Variants in CLIP2 observed in about 807,000 individuals in gnomAD.
The protein encoded by CLIP2 is CAP-Gly domain containing linker protein 2, also known as CAP-Gly domain-containing linker protein 2.
A neutral mutation model predicts 111.7 loss-of-function variants in CLIP2; 41 were observed. The ratio of observed to expected loss-of-function variants is 0.37; its 90% CI spans 0.29 to 0.48. The LOEUF (loss-of-function observed/expected upper bound fraction) is 0.48. Ranked by LOEUF, CLIP2 falls within the 20% of genes least tolerant of loss-of-function variation. CLIP2 has a pLI of 0.99. For missense variants in CLIP2, 1,160 were observed against 1,422.1 expected, an observed-to-expected ratio of 0.82 and a Z score of 2.96; for synonymous variants, 660 against 644.2, an observed-to-expected ratio of 1.02 and a Z score of -0.37.
chr7:74,319,439 C>A (rs763175569), intron 2 of CLIP2, among the ~76,000 whole-genome samples: 5 of 151,964 alleles, frequency 3.3e-5, no homozygotes, highest in African/African-American at 1.2e-4. Flanking sequence ...ACTTAGGAGG[C>A]GGAGGCTACA....
At chr7:74,374,009 G>A (rs1175792016) in intron 9 of CLIP2, among the ~76,000 whole-genome samples, 4 of 152,132 alleles carry the variant, frequency 2.6e-5, no homozygotes, top group African/African-American at 9.7e-5. Context: ...CCCTGCTCCA[G>A]GCCCCACAGT....
intron 1 of CLIP2, among the ~76,000 whole-genome samples, chr7:74,300,648 G>A (rs1564025265): frequency 6.6e-6 from 1 of 151,658 alleles, no homozygotes; most frequent in Non-Finnish European, 1.5e-5. Flanking sequence ...AGTAGAGACG[G>A]GTTTTCACCG....
rs782115444 is a variant in CLIP2 at position 74,376,078 on chromosome 7, G to A, written c.1677G>A (p.Glu559=). The A allele has an allele frequency of 1.9e-6, 3 of 1,612,890 alleles. No homozygotes were observed. The highest frequency in any genetic ancestry group is 2.5e-6 in the Non-Finnish European group (3 of 1,179,828). Residue 559 remains glutamate, a synonymous_variant, in exon 10 of 17, where the codon GAG becomes GAA. Coordinates refer to ENST00000223398, the MANE Select transcript of CLIP2 (RefSeq NM_003388.5). This position sits in a 1 kb window ranked among gnomAD's most constrained non-coding sequence, Gnocchi z 7.1. ...LLSASKEHQR[E]SGVLRDKYEK... The stretch of plus-strand genomic sequence containing the variant: ...CGGCCAGCAAGGAACACCAGAGGGA[G>A]AGTGGGGTGCTGCGGGATAAATACG...
rs937330961 is a variant in CLIP2, at chr7:74,401,369, G to T, written c.3067-136G>T. ...ACCCCTAGAGGCTTGGTCTTTGGGGGTGCTGGGAGCCCCAGGCTGAAGGGG... is the reference window on the plus strand; with the variant it reads ...ACCCCTAGAGGCTTGGTCTTTGGGGTTGCTGGGAGCCCCAGGCTGAAGGGG... On this transcript the variant is annotated intron_variant, in intron 15 of 16. Transcript: ENST00000223398. 2.0e-5 allele frequency: 15 copies of T among 764,390 alleles called. No individual in the cohort carries two copies. The African/African-American group carries it at 2.2e-4, about 11-fold the overall frequency. The allele number at this position is 764,390 out of a possible 1,614,324, so 47.4% of individuals were successfully genotyped here.
chr7:74,305,837 T>C (rs1286143828), intron 1 of CLIP2, among the ~76,000 whole-genome samples: 1 of 141,666 alleles, frequency 7.1e-6, no homozygotes, highest in Non-Finnish European at 1.5e-5. Context: ...CCCAGCTGGC[T>C]TCTCTCCCTG....
At position 74,330,248 on chromosome 7, in the gene CLIP2, C is replaced by CTT. The variant is rs10635770; in HGVS notation, c.122-8187_122-8186dup. Among the ~76,000 whole-genome samples, 226 of 136,434 alleles carry CTT rather than the reference C, an allele frequency of 1.7e-3. 9 individuals are homozygous for CTT. The South Asian group carries it at 0.018, about 11-fold the overall frequency. The allele number at this position is 136,434 out of a possible 152,430, so 89.5% of individuals were successfully genotyped here. On this transcript the variant is annotated intron_variant, in intron 2 of 16. Transcript: ENST00000223398. Reference sequence around the variant, plus strand: ...CTAGCTTCCTCTTGGTGTTTCTTTTCTTTTTTTTTTTTTTCTTTCTTTTTT... The same window carrying CTT: ...CTAGCTTCCTCTTGGTGTTTCTTTTCTTTTTTTTTTTTTTTTCTTTCTTTTTT...
chr7:74,292,667 C>A (rs782741619), intron 1 of CLIP2, among the ~76,000 whole-genome samples: 1 of 152,148 alleles, frequency 6.6e-6, no homozygotes, highest in Non-Finnish European at 1.5e-5. Context: ...GGATTACAGG[C>A]GTGAGCCACC....
intron 8 of CLIP2, among the ~76,000 whole-genome samples, chr7:74,365,394 C>T (rs1272889230): frequency 6.6e-6 from 1 of 152,162 alleles, no homozygotes; most frequent in Non-Finnish European, 1.5e-5. Flanking sequence ...GTGCCCCTTA[C>T]TCAGGGTCTC....
At chr7:74,290,214 G>A (rs1242720587) in intron 1 of CLIP2, among the ~76,000 whole-genome samples, 3 of 152,250 alleles carry the variant, frequency 2.0e-5, no homozygotes, top group African/African-American at 4.8e-5. Context: ...TGGGAGAACA[G>A]GGACTGCCCC....
chr7:74,402,504 C>T (rs1445679183), intron 16 of CLIP2, among the ~76,000 whole-genome samples: 3 of 151,804 alleles, frequency 2.0e-5, no homozygotes, highest in African/African-American at 7.3e-5. Context: ...GCAACAAGCA[C>T]AAAACTGTCT....
chr7:74,393,612 A>G (rs1242573963), intron 13 of CLIP2, among the ~76,000 whole-genome samples: 1 of 152,170 alleles, frequency 6.6e-6, no homozygotes, highest in Non-Finnish European at 1.5e-5. Flanking sequence ...CTGGGAATAC[A>G]GGTGTGAGCC....
rs557058121 is a variant in CLIP2, at chr7:74,389,267, G to A, written c.2720+8G>A. On this transcript the variant is annotated splice_region_variant and intron_variant, in intron 13 of 16. Transcript: ENST00000223398. Reference sequence around the variant, plus strand: ...GCTGCTGCGGAAGGAGCGGTGAGGCGGCCGTGGGGCCGGCTGGGTCCTCCC... The same window carrying A: ...GCTGCTGCGGAAGGAGCGGTGAGGCAGCCGTGGGGCCGGCTGGGTCCTCCC... 104 of 1,570,304 alleles carry A rather than the reference G, an allele frequency of 6.6e-5. 1 individual carries two copies. Among genetic ancestry groups the A allele is most frequent in the African/African-American group, 5.2e-4 (38 of 73,448 alleles).
intron 1 of CLIP2, among the ~76,000 whole-genome samples, chr7:74,307,042 A>C (rs1360622018): frequency 6.6e-6 from 1 of 152,166 alleles, no homozygotes; most frequent in Non-Finnish European, 1.5e-5. Flanking sequence ...GAGTCACACG[A>C]GGGCAGGTGG....
intron 2 of CLIP2, among the ~76,000 whole-genome samples, chr7:74,330,007 G>A (rs1253194122): frequency 6.6e-6 from 1 of 152,000 alleles, no homozygotes; most frequent in East Asian, 1.9e-4. Context: ...TCGAACTCCT[G>A]GCCTCAAGCC....
intron 3 of CLIP2, among the ~76,000 whole-genome samples, chr7:74,349,470 G>GTGTATATATATATATA (rs1181485819): frequency 3.0e-5 from 1 of 33,766 alleles, no homozygotes; most frequent in Non-Finnish European, 5.6e-5. Context: ...GTGTGTGTGT[G>GTGTATATATATATATA]TATATATATA....
At chr7:74,380,912 G>T in intron 11 of CLIP2, 49 bp downstream of exon 11, 1 of 1,578,676 alleles carries the variant, frequency 6.3e-7, no homozygotes, top group Non-Finnish European at 8.7e-7. Flanking sequence ...GGAAGAGGCT[G>T]GCTGGCTCTG....
At chr7:74,378,268 C>T (rs1790851263) in intron 10 of CLIP2, among the ~76,000 whole-genome samples, 1 of 151,886 alleles carries the variant, frequency 6.6e-6, no homozygotes, top group Non-Finnish European at 1.5e-5. Context: ...GCCAGGACCA[C>T]AGGTGTGCCC....
chr7:74,403,704 C>T (rs1428278986), intron 16 of CLIP2, 133 bp from the exon 17 acceptor site: 14 of 893,770 alleles, frequency 1.6e-5, no homozygotes, highest in East Asian at 1.4e-4. Context: ...GCCTCAGGGC[C>T]TTGGCACATG....
intron 11 of CLIP2, among the ~76,000 whole-genome samples, chr7:74,385,737 C>A (rs200340378): frequency 4.2e-5 from 5 of 117,706 alleles, no homozygotes; most frequent in Admixed American, 9.0e-5. Context: ...GTCGGGTCTT[C>A]TTTTTTTTTT....
Sources: allele counts gnomAD v4.1 joint callset (sites outside exome capture counted in the v4.1 genomes callset), GRCh38; gene constraint gnomAD v4.1.1; non-coding constraint Gnocchi (gnomAD v3.1); transcripts MANE v1.5; gene names NCBI Gene and HGNC (gene_info 2026-07-23, HGNC 2026-07-21).